Variants in CNTNAP5 observed in about 807,000 individuals in gnomAD.
CNTNAP5 encodes the protein contactin associated protein family member 5.
A neutral mutation model predicts 150.2 loss-of-function variants in CNTNAP5; 72 were observed. The observed-to-expected ratio is 0.48, with a 90% confidence interval of 0.40 to 0.58. The LOEUF is 0.58. Among genes scored for constraint, CNTNAP5 ranks in the 20% least tolerant of loss-of-function variants. The pLI, the probability that CNTNAP5 is intolerant of heterozygous loss-of-function variation, is 0.00. For missense variants in CNTNAP5, 1,636 were observed against 1,626.2 expected, an observed-to-expected ratio of 1.01 and a Z score of -0.10; for synonymous variants, 672 against 619.8, an observed-to-expected ratio of 1.08 and a Z score of -1.25.
intron 13 of CNTNAP5, among the ~76,000 whole-genome samples, chr2:124,706,513 G>A (rs1416937780): frequency 3.3e-5 from 5 of 152,002 alleles, no homozygotes; most frequent in Non-Finnish European, 2.9e-5. Context: ...TTGGGAGGCC[G>A]AGGCAGGTGA....
At chr2:124,058,512 T>C (rs909003182) in intron 1 of CNTNAP5, among the ~76,000 whole-genome samples, 1 of 152,156 alleles carries the variant, frequency 6.6e-6, no homozygotes, top group African/African-American at 2.4e-5. Flanking sequence ...TGATCTTAGA[T>C]AAGTCCATTT....
chr2:124,732,736 T>C (rs1303843857), intron 13 of CNTNAP5, among the ~76,000 whole-genome samples: 2 of 152,210 alleles, frequency 1.3e-5, no homozygotes, highest in East Asian at 3.9e-4. Context: ...TTTCACATTT[T>C]CAACTAAAGA....
chr2:124,622,984 A>G (rs990045374), intron 12 of CNTNAP5, among the ~76,000 whole-genome samples: 2 of 152,176 alleles, frequency 1.3e-5, no homozygotes, highest in African/African-American at 2.4e-5. Flanking sequence ...AAGTGCACGA[A>G]TGAGGCTAGT....
At chr2:124,253,987 G>C (rs1687248097) in intron 3 of CNTNAP5, among the ~76,000 whole-genome samples, 1 of 151,902 alleles carries the variant, frequency 6.6e-6, no homozygotes, top group Non-Finnish European at 1.5e-5. Flanking sequence ...TTGGATTTAG[G>C]CAAATCTGAG....
chr2:124,163,378 C>T (rs1483907874), intron 1 of CNTNAP5, among the ~76,000 whole-genome samples: 4 of 152,000 alleles, frequency 2.6e-5, no homozygotes, highest in Non-Finnish European at 5.9e-5. Context: ...CATAGGAGAC[C>T]CTTAGAAGGA....
At chr2:124,435,931 C>G (rs1692521035) in intron 5 of CNTNAP5, among the ~76,000 whole-genome samples, 1 of 152,098 alleles carries the variant, frequency 6.6e-6, no homozygotes, top group African/African-American at 2.4e-5. Flanking sequence ...AGTAGAATAT[C>G]ACCTAGAAGA....
chr2:124,900,929 G>A (rs1678403104), intron 21 of CNTNAP5, among the ~76,000 whole-genome samples: 1 of 151,558 alleles, frequency 6.6e-6, no homozygotes, highest in Non-Finnish European at 1.5e-5. Flanking sequence ...GGTGCCACCA[G>A]CAAAAAACAT....
At chr2:124,544,601 C>T (rs1464519745) in intron 10 of CNTNAP5, among the ~76,000 whole-genome samples, 2 of 123,004 alleles carry the variant, frequency 1.6e-5, no homozygotes, top group South Asian at 2.5e-4. Flanking sequence ...AAATGATCTT[C>T]TCTATGCTGT....
intron 4 of CNTNAP5, among the ~76,000 whole-genome samples, chr2:124,421,426 T>A (rs2420852): frequency 0.41 from 63,023 of 152,024 alleles, 14,684 homozygotes; most frequent in Non-Finnish European, 0.51. Flanking sequence ...TTGTTCTTCC[T>A]TCTCTATAAC....
intron 12 of CNTNAP5, among the ~76,000 whole-genome samples, chr2:124,633,424 A>G (rs1008111749): frequency 1.4e-4 from 21 of 152,182 alleles, no homozygotes; most frequent in African/African-American, 4.6e-4. Flanking sequence ...TAAAGCTCCA[A>G]AATAATCTCT....
intron 5 of CNTNAP5, among the ~76,000 whole-genome samples, chr2:124,440,317 G>A (rs909877830): frequency 3.9e-5 from 6 of 152,120 alleles, no homozygotes; most frequent in Non-Finnish European, 5.9e-5. Context: ...ATTTTATCAA[G>A]AGTAAATCAA....
At chr2:124,712,789 C>T (rs1382108956) in intron 13 of CNTNAP5, among the ~76,000 whole-genome samples, 8 of 151,952 alleles carry the variant, frequency 5.3e-5, no homozygotes, top group African/African-American at 1.9e-4. Flanking sequence ...GCTCTGTCAC[C>T]CAGGCTGGAG....
chr2:124,535,488 G>T (rs1573443057), intron 10 of CNTNAP5, among the ~76,000 whole-genome samples: 1 of 152,114 alleles, frequency 6.6e-6, no homozygotes, highest in Non-Finnish European at 1.5e-5. Flanking sequence ...AGAAAGCCAG[G>T]TGTGGTGGCT....
chr2:124,519,734 G>T (rs1168865014), intron 8 of CNTNAP5, among the ~76,000 whole-genome samples: 2 of 152,208 alleles, frequency 1.3e-5, no homozygotes, highest in Non-Finnish European at 2.9e-5. Flanking sequence ...TACAACTGGG[G>T]TATTTCAAAG....
intron 19 of CNTNAP5, among the ~76,000 whole-genome samples, chr2:124,851,363 G>A (rs1413961790): frequency 1.3e-5 from 2 of 152,110 alleles, no homozygotes; most frequent in Non-Finnish European, 2.9e-5. Context: ...TCCAAAAAAA[G>A]AAAGAAAGTT....
intron 12 of CNTNAP5, among the ~76,000 whole-genome samples, chr2:124,632,842 G>A (rs1677892733): frequency 6.6e-6 from 1 of 152,144 alleles, no homozygotes; most frequent in South Asian, 2.1e-4. Flanking sequence ...CCTCAGAAAA[G>A]TTTCAGTCAT....
In CNTNAP5 at chr2:124,914,113, T is replaced by C. The variant is rs1442961632; in HGVS notation, c.3749T>C (p.Phe1250Ser). The C allele has an allele frequency of 6.2e-7, 1 of 1,611,954 alleles. No homozygotes were observed. Residue 1250 changes from phenylalanine (F) to serine (S), a missense_variant, in exon 24 of 24, where the codon TTC becomes TCC. Transcript: ENST00000682447. ...VIGGVIAVVI[F>S]IIFCIIGIMT... ...CCAGGGGTGATAGCAGTGGTGATAT[T>C]CATCATCTTCTGTATCATCGGCATC...
At position 124,025,373 on chromosome 2, in the gene CNTNAP5, C is replaced by T. The variant is rs904753491; in HGVS notation, c.-278C>T. Reference sequence around the variant, plus strand: ...GTTCTAATTGGGTTTGGATTTGCACCGTTAAGGAGGGGGGAAGAGAAGGAA... The same window carrying T: ...GTTCTAATTGGGTTTGGATTTGCACTGTTAAGGAGGGGGGAAGAGAAGGAA... On this transcript the variant is annotated 5_prime_UTR_variant, in exon 1 of 24. Coordinates refer to ENST00000682447, the MANE Select transcript of CNTNAP5 (RefSeq NM_001367498.1). 4.2e-6 allele frequency: 2 copies of T among 479,422 alleles called. No individual in the cohort carries two copies. Among genetic ancestry groups the T allele is most frequent in the South Asian group, 4.7e-5 (2 of 42,650 alleles). The allele number at this position is 479,422 out of a possible 1,614,324, so 29.7% of individuals were successfully genotyped here. A position where few individuals can be genotyped will look rare whatever the true frequency, so the allele number is the denominator to read the frequency against.
rs191797241 is a variant in CNTNAP5 at position 124,371,739 on chromosome 2, C to G, written c.382-45704C>G. Among the ~76,000 whole-genome samples the G allele has an allele frequency of 2.8e-3, 432 of 152,132 alleles. 4 individuals are homozygous for G. The East Asian group carries it at 0.034, about 12-fold the overall frequency. On this transcript the variant is annotated intron_variant, in intron 3 of 23. Transcript: ENST00000682447. ...CAGGAAATCATACATGTAATCTTAA[C>G]ATACTATACATAAATTCTTAGCCAA...
Sources: gnomAD v4.1 joint callset for allele counts (sites outside exome capture counted in the v4.1 genomes callset) on GRCh38, gnomAD v4.1.1 for gene constraint, MANE v1.5 for transcripts, NCBI Gene and HGNC (gene_info 2026-07-23, HGNC 2026-07-21) for gene names.